Variants in DCP1B observed in about 807,000 individuals in gnomAD.
The protein encoded by DCP1B is mRNA-decapping enzyme 1B.
In DCP1B, 47 loss-of-function variants were observed where a neutral mutation model predicts 60.5. That is an observed-to-expected ratio of 0.78 (90% CI 0.61 to 0.99). The LOEUF (loss-of-function observed/expected upper bound fraction) is 0.99, where lower values mean the gene tolerates loss of function less well. Ranked by LOEUF, DCP1B falls within the 50% of genes least tolerant of loss-of-function variation. DCP1B has a pLI of 0.00. For synonymous variants in DCP1B, 267 were observed against 280.3 expected (o/e 0.95, Z 0.47); for missense variants, 725 against 756.8 (o/e 0.96, Z 0.49).
intron 5 of DCP1B, among the ~76,000 whole-genome samples, chr12:1,963,132 A>T (rs927827628): frequency 4.4e-4 from 67 of 152,260 alleles, no homozygotes; most frequent in African/African-American, 1.6e-3. Flanking sequence ...TTGACATCTT[A>T]TCACATTAGG....
chr12:1,994,128 T>C (rs2154475260), intron 2 of DCP1B, among the ~76,000 whole-genome samples: 1 of 152,386 alleles, frequency 6.6e-6, no homozygotes, highest in East Asian at 1.9e-4. Flanking sequence ...CAAATTATAC[T>C]GAGTATAAAC....
intron 3 of DCP1B, among the ~76,000 whole-genome samples, chr12:1,978,717 T>C (rs1314942356): frequency 6.6e-6 from 1 of 152,194 alleles, no homozygotes; most frequent in African/African-American, 2.4e-5. Flanking sequence ...ACCAATTTTT[T>C]ACTTCTATCA....
At chr12:1,981,214 A>C (rs1434589404) in intron 3 of DCP1B, among the ~76,000 whole-genome samples, 2 of 152,188 alleles carry the variant, frequency 1.3e-5, no homozygotes, top group Non-Finnish European at 2.9e-5. Flanking sequence ...AGCTGCTAAA[A>C]TCACTCACTG....
chr12:1,982,873 T>C (rs938342578), intron 3 of DCP1B, among the ~76,000 whole-genome samples: 14 of 152,134 alleles, frequency 9.2e-5, no homozygotes, highest in African/African-American at 3.4e-4. Flanking sequence ...ATTCCTCCCT[T>C]GAACATTTGG....
intron 3 of DCP1B, among the ~76,000 whole-genome samples, chr12:1,979,365 A>G (rs987950707): frequency 2.6e-5 from 4 of 151,972 alleles, no homozygotes; most frequent in Admixed American, 6.6e-5. Flanking sequence ...CCCAGGCTGG[A>G]GTGCAGTGGT....
downstream of DCP1B, among the ~76,000 whole-genome samples, chr12:1,942,282 T>A (rs1272892551): frequency 6.6e-6 from 1 of 152,152 alleles, no homozygotes; most frequent in Non-Finnish European, 1.5e-5. Flanking sequence ...AGCACCCAGA[T>A]TCATAAAGCA....
rs73045446 is a variant in DCP1B, at chr12:1,999,999, G to A, written c.151-2024C>T. On this transcript the variant is annotated intron_variant, in intron 1 of 8. Coordinates refer to ENST00000280665, the MANE Select transcript of DCP1B (RefSeq NM_152640.5). ...AAACAAACATGGTTAATTCCTATCT[G>A]CTGACAAATGTATATCCTGAGTGTA... 9.0e-3 allele frequency among the ~76,000 whole-genome samples: 1,374 copies of A among 152,130 alleles called. 14 individuals are homozygous for A. Among genetic ancestry groups the A allele is most frequent in the Non-Finnish European group, 0.013 (911 of 68,004 alleles).
chr12:1,958,433 G>A (rs2030980739), intron 5 of DCP1B, among the ~76,000 whole-genome samples: 4 of 89,848 alleles, frequency 4.5e-5, no homozygotes, highest in Non-Finnish European at 6.7e-5. Context: ...CTCCTGGAAG[G>A]AAACAGGGGA....
At chr12:1,976,267 G>T (rs1403366030) in intron 3 of DCP1B, among the ~76,000 whole-genome samples, 1 of 152,130 alleles carries the variant, frequency 6.6e-6, no homozygotes, top group Non-Finnish European at 1.5e-5. Context: ...CTAAGCAATG[G>T]TGCATAATAA....
At chr12:1,963,732 GC>G in intron 5 of DCP1B, among the ~76,000 whole-genome samples, 1 of 152,132 alleles carries the variant, frequency 6.6e-6, no homozygotes, top group East Asian at 1.9e-4. Context: ...TCTTTGAAGA[GC>G]CCTGACACCT....
rs2042936882 is a variant in DCP1B at position 2,004,390 on chromosome 12, G to T, written c.42C>A (p.Arg14=). 6.2e-7 allele frequency: 1 copy of T among 1,612,520 alleles called. No homozygotes were observed. ...VAAGGLVGKG[R]DISLAALQRH... ...GCTGCAGGGCCGCTAGGCTGATGTC[G>T]CGCCCCTTTCCCACCAGGCCGCCTG... Residue 14 remains arginine (R), a synonymous_variant, in exon 1 of 9, where the codon CGC becomes CGA. Coordinates refer to ENST00000280665, the MANE Select transcript of DCP1B (RefSeq NM_152640.5).
At position 1,948,950 on chromosome 12, in the gene DCP1B, G is replaced by A. The variant is rs981927476; in HGVS notation, c.1773+136C>T. ...CTAACTGAGCACAGAAGCCGCTGGG[G>A]TCAGGATGAGTTGTTACACACACCT... On this transcript the variant is annotated intron_variant, in intron 8 of 8. Coordinates refer to ENST00000280665, the MANE Select transcript of DCP1B (RefSeq NM_152640.5). This position sits in a 1 kb window ranked among gnomAD's most constrained non-coding sequence, Gnocchi z 4.8. 9.4e-6 allele frequency: 11 copies of A among 1,164,328 alleles called. No homozygotes were observed. The African/African-American group carries it at 1.7e-4, about 18-fold the overall frequency. 72.1% of individuals were successfully genotyped at this position (1,164,328 alleles called of 1,614,324 possible).
At chr12:1,991,594 C>A (rs1593217293) in intron 3 of DCP1B, 1 of 233,898 alleles carries the variant, frequency 4.3e-6, no homozygotes, top group African/African-American at 2.4e-5. Context: ...GTTGGACACT[C>A]ACAGTGCAGC....
At chr12:2,001,427 T>G (rs999770175) in intron 1 of DCP1B, among the ~76,000 whole-genome samples, 1 of 152,158 alleles carries the variant, frequency 6.6e-6, no homozygotes, top group African/African-American at 2.4e-5. Flanking sequence ...GCTAAAGAAA[T>G]AAGCAATTCA....
At position 1,962,371 on chromosome 12, in the gene DCP1B, T is replaced by C. The variant is rs77451712; in HGVS notation, c.522+3187A>G. Among the ~76,000 whole-genome samples, 24 of 152,272 alleles carry C rather than the reference T, an allele frequency of 1.6e-4. No individual in the cohort carries two copies. In the East Asian group the frequency reaches 4.6e-3, roughly 29 times the overall value. Reference sequence around the variant, plus strand: ...GGCAGTCTCCCCAGCCAGAAAGGATTTTAAGATGTCAAAACATTATAACAT... The same window carrying C: ...GGCAGTCTCCCCAGCCAGAAAGGATCTTAAGATGTCAAAACATTATAACAT... On this transcript the variant is annotated intron_variant, in intron 5 of 8. Coordinates refer to ENST00000280665, the MANE Select transcript of DCP1B (RefSeq NM_152640.5). This position sits in a 1 kb window ranked among gnomAD's most constrained non-coding sequence, Gnocchi z 4.4.
intron 3 of DCP1B, among the ~76,000 whole-genome samples, chr12:1,985,612 C>T (rs1447312016): frequency 6.6e-6 from 1 of 152,062 alleles, no homozygotes; most frequent in Non-Finnish European, 1.5e-5. Flanking sequence ...TTTTCCTTGA[C>T]AGTTTGGCAT....
In DCP1B at chr12:1,971,564, C is replaced by A. The variant is rs1347961894; in HGVS notation, c.320-3654G>T. Among the ~76,000 whole-genome samples the A allele has an allele frequency of 6.6e-6, 1 of 152,140 alleles. No individual in the cohort carries two copies. The highest frequency in any genetic ancestry group is 1.5e-5 in the Non-Finnish European group (1 of 68,018). On this transcript the variant is annotated intron_variant, in intron 3 of 8. Transcript: ENST00000280665. The surrounding 1 kb of genome is among the most constrained non-coding windows in gnomAD (Gnocchi z 4.2). ...ATTTTTTAGGTCCACAAAGACAAGG[C>A]AGAGAGCAAGCTGATTATATTCAGT...
chr12:1,954,932 T>C (rs1220280435), intron 6 of DCP1B, among the ~76,000 whole-genome samples: 5 of 152,146 alleles, frequency 3.3e-5, no homozygotes, highest in Non-Finnish European at 1.5e-5. Context: ...GCGCATTCCA[T>C]AGCTCACCGT....
rs1379539001 is a variant in DCP1B, at chr12:1,996,635, AAAAAAAAAAAAAAAAAAAAAC to A, written c.191+1279_191+1299del. Among the ~76,000 whole-genome samples the A allele has an allele frequency of 2.2e-3, 226 of 103,596 alleles. 7 individuals carry two copies. The highest frequency in any genetic ancestry group is 8.5e-3 in the South Asian group (26 of 3,058). 68.0% of individuals were successfully genotyped at this position (103,596 alleles called of 152,430 possible). ...ATGAGCTAAAAAAAAAAAAAAAAAA[AAAAAAAAAAAAAAAAAAAAAC>A]AACAAACTCTTCTAATGTTTTAAAG... On this transcript the variant is annotated intron_variant, in intron 2 of 8. Transcript: ENST00000280665.
Sources: gnomAD v4.1 joint callset for allele counts (sites outside exome capture counted in the v4.1 genomes callset) on GRCh38, gnomAD v4.1.1 for gene constraint, Gnocchi (gnomAD v3.1) non-coding constraint, MANE v1.5 for transcripts, NCBI Gene and HGNC (gene_info 2026-07-23, HGNC 2026-07-21) for gene names.